The following KIF13A variants were observed in gnomAD, a reference collection of about 807,000 sequenced individuals.
The protein encoded by KIF13A is kinesin family member 13A.
Under a neutral mutation model 212.2 loss-of-function variants are expected in KIF13A, and 79 were observed. The ratio of observed to expected loss-of-function variants is 0.37; its 90% CI spans 0.31 to 0.45. The LOEUF (loss-of-function observed/expected upper bound fraction) is 0.45, where lower values mean the gene tolerates loss of function less well. Among genes scored for constraint, KIF13A ranks in the 20% least tolerant of loss-of-function variants. The pLI is 1.00. For missense variants in KIF13A, 1,901 were observed against 2,209.0 expected (o/e 0.86, Z 2.79); for synonymous variants, 789 against 808.6 (o/e 0.98, Z 0.41).
chr6:17,963,702 A>G lies in KIF13A; in HGVS notation c.146+23352T>C, dbSNP rs147150230. Among the ~76,000 whole-genome samples, 328 of 152,144 alleles carry G rather than the reference A, an allele frequency of 2.2e-3. 1 individual carries two copies. The highest frequency in any genetic ancestry group is 7.5e-3 in the African/African-American group (312 of 41,550). Reference sequence around the variant, plus strand: ...CTCCCAAGTAGCTGGGATTACAGGCACGCGCCACCACGCCCTGCTAATTTT... The same window carrying G: ...CTCCCAAGTAGCTGGGATTACAGGCGCGCGCCACCACGCCCTGCTAATTTT... On this transcript the variant is annotated intron_variant, in intron 2 of 38. Coordinates refer to ENST00000259711, the MANE Select transcript of KIF13A (RefSeq NM_022113.6). The surrounding 1 kb of genome is among the most constrained non-coding windows in gnomAD (Gnocchi z 4.1).
rs1455920973 is a variant in KIF13A, at chr6:17,855,522, G to T, written c.409C>A (p.Gln137Lys). Residue 137 changes from glutamine to lysine, a missense_variant, in exon 6 of 39, where the codon CAA (glutamine) becomes AAA (lysine). Gln to Lys is a moderately conservative substitution (Grantham distance 53). Coordinates refer to ENST00000259711, the MANE Select transcript of KIF13A (RefSeq NM_022113.6). This position sits in a 1 kb window ranked among gnomAD's most constrained non-coding sequence, Gnocchi z 4.1. The part of the protein sequence containing the change: ...CALFKRISLE[Q>K]NESQTFKVEV... ...ACTTTAAAGGTCTGTGACTCATTTT[G>T]CTCCAAAGAGATCCTTTTAAATAAA... 6.2e-7 allele frequency: 1 copy of T among 1,613,574 alleles called. No homozygotes were observed. Among genetic ancestry groups the T allele is most frequent in the African/African-American group, 1.3e-5 (1 of 74,886 alleles).
intron 16 of KIF13A, among the ~76,000 whole-genome samples, chr6:17,824,468 C>T (rs1205369500): frequency 6.6e-6 from 1 of 151,934 alleles, no homozygotes; most frequent in Non-Finnish European, 1.5e-5. Context: ...CTGTGAAAAA[C>T]AAAATGCTCG....
At chr6:17,938,838 T>A (rs904896330) in intron 2 of KIF13A, among the ~76,000 whole-genome samples, 1 of 137,088 alleles carries the variant, frequency 7.3e-6, no homozygotes, top group Non-Finnish European at 1.6e-5. Flanking sequence ...TTTTTTTTTT[T>A]ACCCAGCAAC....
Position 17,976,450 on chromosome 6 carries a change from C to T in KIF13A, c.146+10604G>A, listed in dbSNP as rs538868350. Among the ~76,000 whole-genome samples the T allele has an allele frequency of 7.9e-5, 12 of 152,310 alleles. No individual in the cohort carries two copies. In the East Asian group the frequency reaches 1.4e-3, roughly 17 times the overall value. The stretch of plus-strand genomic sequence containing the variant: ...CCCGGGTGCTAAGCCCTTCATTGCC[C>T]GGGGCCGGCAAGGCCGGCTGGCTGC... On this transcript the variant is annotated intron_variant, in intron 2 of 38. Coordinates refer to ENST00000259711, the MANE Select transcript of KIF13A (RefSeq NM_022113.6).
chr6:17,766,391 C>T (rs969136554), intron 38 of KIF13A, among the ~76,000 whole-genome samples: 2 of 151,844 alleles, frequency 1.3e-5, no homozygotes, highest in Non-Finnish European at 2.9e-5. Flanking sequence ...AGGCATGCGC[C>T]AGCATGCCAG....
At chr6:17,907,862 A>C (rs1773660583) in intron 2 of KIF13A, among the ~76,000 whole-genome samples, 1 of 152,228 alleles carries the variant, frequency 6.6e-6, no homozygotes, top group Non-Finnish European at 1.5e-5. Context: ...GCCTTTTCTC[A>C]GAAGAAATTG....
At position 17,915,952 on chromosome 6, in the gene KIF13A, AAT is replaced by A. The variant is rs1394989291; in HGVS notation, c.147-17774_147-17773del. Among the ~76,000 whole-genome samples, 1 of 131,132 alleles carries A rather than the reference AAT, an allele frequency of 7.6e-6. No homozygotes were observed. Among genetic ancestry groups the A allele is most frequent in the African/African-American group, 3.0e-5 (1 of 33,752 alleles). 86.0% of individuals were successfully genotyped at this position (131,132 alleles called of 152,430 possible). A position where few individuals can be genotyped will look rare whatever the true frequency, so the allele number is the denominator to read the frequency against. Reference sequence around the variant, plus strand: ...AGCCAGTCTCAAAAAAAAAAATAAAAATAAAAATAAAATAAAATAAAATAAAT... The same window carrying A: ...AGCCAGTCTCAAAAAAAAAAATAAAAAAAAATAAAATAAAATAAAATAAAT... On this transcript the variant is annotated intron_variant, in intron 2 of 38. Transcript: ENST00000259711. This position sits in a 1 kb window ranked among gnomAD's most constrained non-coding sequence, Gnocchi z 4.4.
chr6:17,827,188 G>C (rs976107649), intron 14 of KIF13A, among the ~76,000 whole-genome samples: 1 of 152,100 alleles, frequency 6.6e-6, no homozygotes, highest in African/African-American at 2.4e-5. Flanking sequence ...TCAACCTCGT[G>C]GGCTCAAGTG....
At chr6:17,796,863 G>A in intron 22 of KIF13A, 43 bp from the exon 23 acceptor site, 1 of 1,349,342 alleles carries the variant, frequency 7.4e-7, no homozygotes, top group African/African-American at 1.5e-5. Flanking sequence ...GCTTAAAGGA[G>A]TCTGTGAAAT....
intron 2 of KIF13A, among the ~76,000 whole-genome samples, chr6:17,955,000 T>C (rs1246643212): frequency 6.6e-6 from 1 of 152,142 alleles, no homozygotes; most frequent in Non-Finnish European, 1.5e-5. Context: ...ACTTTTTTTG[T>C]AGAGATGGAA....
chr6:17,786,401 C>A lies in KIF13A; in HGVS notation c.3362-760G>T, dbSNP rs1761057958. On this transcript the variant is annotated intron_variant, in intron 27 of 38. Transcript: ENST00000259711. This position sits in a 1 kb window ranked among gnomAD's most constrained non-coding sequence, Gnocchi z 5.4. ...ATCTCCTGAGGTCAGGAGTTCAAAA[C>A]CAGCCTGACCAATATGGTAAAACCC... 6.6e-6 allele frequency among the ~76,000 whole-genome samples: 1 copy of A among 152,094 alleles called. No individual in the cohort carries two copies. The highest frequency in any genetic ancestry group is 1.5e-5 in the Non-Finnish European group (1 of 68,018).
rs1455744560 is a variant in KIF13A at position 17,911,078 on chromosome 6, T to C, written c.147-12898A>G. On this transcript the variant is annotated intron_variant, in intron 2 of 38. Transcript: ENST00000259711. ...GCGCCCAGCCTAAATTCAAGTTTTA[T>C]AAGTTAATTTCATTATTTTAAAACT... Among the ~76,000 whole-genome samples the C allele has an allele frequency of 5.3e-5, 8 of 152,332 alleles. No homozygotes were observed. In the East Asian group the frequency reaches 1.5e-3, roughly 29 times the overall value.
At chr6:17,877,144 C>CAAAAAAA (rs35738402) in intron 3 of KIF13A, among the ~76,000 whole-genome samples, 1 of 97,978 alleles carries the variant, frequency 1.0e-5, no homozygotes, top group African/African-American at 3.8e-5. Flanking sequence ...TCTCTCTTGC[C>CAAAAAAA]AAAAAAAAAA....
At chr6:17,831,975 G>A (rs1038137948) in intron 12 of KIF13A, among the ~76,000 whole-genome samples, 2 of 152,082 alleles carry the variant, frequency 1.3e-5, no homozygotes, top group Admixed American at 1.3e-4. Flanking sequence ...TAAGAAAACA[G>A]TTAAGTCAAT....
At position 17,837,157 on chromosome 6, in the gene KIF13A, T is replaced by A. The variant is rs948399896; in HGVS notation, c.943-67A>T. On this transcript the variant is annotated intron_variant, in intron 10 of 38. Coordinates refer to ENST00000259711, the MANE Select transcript of KIF13A (RefSeq NM_022113.6). The surrounding 1 kb of genome is among the most constrained non-coding windows in gnomAD (Gnocchi z 5.4). ...TGGACAACACATATGATAAAAGCAC[T>A]AAATGTGTTAGGTATGACATTATTC... 2 of 1,323,744 alleles carry A rather than the reference T, an allele frequency of 1.5e-6. No individual in the cohort carries two copies. Among genetic ancestry groups the A allele is most frequent in the Non-Finnish European group, 2.2e-6 (2 of 925,794 alleles). 82.0% of individuals were successfully genotyped at this position (1,323,744 alleles called of 1,614,324 possible).
intron 23 of KIF13A, among the ~76,000 whole-genome samples, chr6:17,796,239 T>C (rs150961109): frequency 0.024 from 3,665 of 150,450 alleles, 67 homozygotes; most frequent in Non-Finnish European, 0.04. Context: ...TCTCACTCTG[T>C]TGCCCAGGCT....
At chr6:17,956,688 TTC>T (rs1454237209) in intron 2 of KIF13A, among the ~76,000 whole-genome samples, 2 of 152,104 alleles carry the variant, frequency 1.3e-5, no homozygotes, top group Admixed American at 1.3e-4. Context: ...AGGGAATAGA[TTC>T]TCTCTCGCCG....
intron 2 of KIF13A, among the ~76,000 whole-genome samples, chr6:17,935,655 G>A (rs143502145): frequency 5.2e-4 from 79 of 152,230 alleles, no homozygotes; most frequent in African/African-American, 1.6e-3. Context: ...CTCTCTCTCC[G>A]TAACTGAAAA....
intron 3 of KIF13A, among the ~76,000 whole-genome samples, chr6:17,879,819 G>T (rs1770897760): frequency 6.6e-6 from 1 of 152,068 alleles, no homozygotes; most frequent in Non-Finnish European, 1.5e-5. Context: ...AATAACACAA[G>T]GTTTGTTACA....
Sources: gnomAD v4.1 joint callset for allele counts (sites outside exome capture counted in the v4.1 genomes callset) on GRCh38, gnomAD v4.1.1 for gene constraint, Gnocchi (gnomAD v3.1) non-coding constraint, MANE v1.5 for transcripts, NCBI Gene and HGNC (gene_info 2026-07-23, HGNC 2026-07-21) for gene names.